Variants in LARP1 observed in about 807,000 individuals in gnomAD.
The protein encoded by LARP1 is la-related protein 1.
A neutral mutation model predicts 122.7 loss-of-function variants in LARP1; 36 were observed. That is an observed-to-expected ratio of 0.29 (90% CI 0.22 to 0.39). LARP1 has a LOEUF of 0.39. Ranked by LOEUF, LARP1 falls within the 10% of genes least tolerant of loss-of-function variation. The pLI is 1.00. For synonymous variants in LARP1, 539 were observed against 528.7 expected (o/e 1.02, Z -0.27); for missense variants, 1,040 against 1,403.6 (o/e 0.74, Z 4.14).
intron 1 of LARP1, among the ~76,000 whole-genome samples, chr5:154,758,981 C>T (rs1402061817): frequency 2.0e-5 from 3 of 152,100 alleles, no homozygotes; most frequent in African/African-American, 7.2e-5. Flanking sequence ...AAATTTTTGT[C>T]TTATCCTAGC....
At position 154,803,819 on chromosome 5, in the gene LARP1, T is replaced by C. The variant is rs1758538035; in HGVS notation, c.2439+74T>C. ...CATTCCAGTGCTTTGCTTCTCTCCC[T>C]TGCCTTGTCTGAGCTAAGGAAGTGC... On this transcript the variant is annotated intron_variant, in intron 13 of 18. Transcript: ENST00000518297. The surrounding 1 kb of genome is among the most constrained non-coding windows in gnomAD (Gnocchi z 4.4). 6 of 1,434,394 alleles carry C rather than the reference T, an allele frequency of 4.2e-6. No homozygotes were observed. The South Asian group carries it at 7.1e-5, about 17-fold the overall frequency. 88.9% of individuals were successfully genotyped at this position (1,434,394 alleles called of 1,614,324 possible).
rs1006784818 is a variant in LARP1, at chr5:154,814,363, T to A, written c.*267T>A. 7 of 260,500 alleles carry A rather than the reference T, an allele frequency of 2.7e-5. No individual in the cohort carries two copies. The highest frequency in any genetic ancestry group is 1.4e-4 in the South Asian group (2 of 14,320). 16.1% of individuals were successfully genotyped at this position (260,500 alleles called of 1,614,324 possible). On this transcript the variant is annotated 3_prime_UTR_variant, in exon 19 of 19. Transcript: ENST00000518297. ...GGGGGGAGGGAAAGGGGGGAGATTT[T>A]TATATATATATACATATATATATAT...
At chr5:154,738,117 G>T (rs1180327873) in intron 1 of LARP1, among the ~76,000 whole-genome samples, 2 of 152,150 alleles carry the variant, frequency 1.3e-5, no homozygotes, top group Non-Finnish European at 1.5e-5. Context: ...CGATCTGATG[G>T]ACACAGACAC....
At chr5:154,779,460 G>A in intron 1 of LARP1, among the ~76,000 whole-genome samples, 1 of 151,364 alleles carries the variant, frequency 6.6e-6, no homozygotes, top group South Asian at 2.1e-4. Flanking sequence ...TAAATTGTTG[G>A]TAGGGTGGCT....
Position 154,814,304 on chromosome 5 carries a change from T to TG in LARP1, c.*208_*209insG. ...CCTCTACATCCCCTTCCCCCTCCTC[T>TG]CTCCATGACTCTTGACATCCTAGCT... On this transcript the variant is annotated 3_prime_UTR_variant, in exon 19 of 19. Transcript: ENST00000518297. 1 of 488,650 alleles carries TG rather than the reference T, an allele frequency of 2.0e-6. No individual in the cohort carries two copies. The allele number at this position is 488,650 out of a possible 1,614,324, so 30.3% of individuals were successfully genotyped here.
At chr5:154,683,348 G>C (rs750743604) in intron 1 of LARP1, among the ~76,000 whole-genome samples, 1 of 152,250 alleles carries the variant, frequency 6.6e-6, no homozygotes, top group Non-Finnish European at 1.5e-5. Context: ...ACAGTGTTGT[G>C]TTTGTTTGTT....
chr5:154,725,933 C>G (rs1006486336), intron 1 of LARP1, among the ~76,000 whole-genome samples: 1 of 152,116 alleles, frequency 6.6e-6, no homozygotes, highest in Non-Finnish European at 1.5e-5. Context: ...CTCTGCCTCC[C>G]AGGTTCAAGT....
rs566611143 is a variant in LARP1 at position 154,692,136 on chromosome 5, C to T, written c.-180+9099C>T. 2.0e-5 allele frequency among the ~76,000 whole-genome samples: 3 copies of T among 152,320 alleles called. No homozygotes were observed. The East Asian group carries it at 5.8e-4, about 29-fold the overall frequency. Reference sequence around the variant, plus strand: ...GAAACCTTCGCTGGCTCCCTAGTGCCCTGGAATAACACTGAAACCCCTTAG... The same window carrying T: ...GAAACCTTCGCTGGCTCCCTAGTGCTCTGGAATAACACTGAAACCCCTTAG... On this transcript the variant is annotated intron_variant, in intron 1 of 18. Coordinates refer to the LARP1 transcript ENST00000687700.
rs747450234 is a variant in LARP1, at chr5:154,814,723, G to A, written c.*627G>A. On this transcript the variant is annotated 3_prime_UTR_variant, in exon 19 of 19. Coordinates refer to ENST00000518297, the MANE Select transcript of LARP1 (RefSeq NM_033551.3). Reference sequence around the variant, plus strand: ...ATCTAAAACTGGGGTTTGGGGGAAGGTTTCAGCCTCTCCCCACTCCCCTTG... The same window carrying A: ...ATCTAAAACTGGGGTTTGGGGGAAGATTTCAGCCTCTCCCCACTCCCCTTG... The A allele has an allele frequency of 6.6e-6, 1 of 152,388 alleles. No homozygotes were observed. The highest frequency in any genetic ancestry group is 1.5e-5 in the Non-Finnish European group (1 of 67,990). 9.4% of individuals were successfully genotyped at this position (152,388 alleles called of 1,614,324 possible).
chr5:154,718,193 AT>A (rs1321585396), intron 1 of LARP1, among the ~76,000 whole-genome samples: 1 of 152,074 alleles, frequency 6.6e-6, no homozygotes, highest in Non-Finnish European at 1.5e-5. Context: ...AGTTGCTGGG[AT>A]TATAGGCAGA....
At chr5:154,781,052 G>C (rs1373676388) in intron 1 of LARP1, among the ~76,000 whole-genome samples, 1 of 152,108 alleles carries the variant, frequency 6.6e-6, no homozygotes, top group African/African-American at 2.4e-5. Flanking sequence ...CTAGGTGACA[G>C]AGTGAGACTC....
intron 1 of LARP1, among the ~76,000 whole-genome samples, chr5:154,771,969 C>A (rs1380156632): frequency 1.3e-5 from 2 of 152,192 alleles, no homozygotes; most frequent in Non-Finnish European, 2.9e-5. Context: ...AAGGGGAAAT[C>A]TTCAGGTTGC....
chr5:154,788,320 T>C (rs879615409), intron 1 of LARP1, among the ~76,000 whole-genome samples: 1 of 152,184 alleles, frequency 6.6e-6, no homozygotes, highest in Admixed American at 6.5e-5. Context: ...GGGTGTGGGA[T>C]GCTGTTGGCT....
chr5:154,716,083 G>T (rs1582190375), intron 1 of LARP1, among the ~76,000 whole-genome samples: 1 of 152,002 alleles, frequency 6.6e-6, no homozygotes, highest in Admixed American at 6.6e-5. Flanking sequence ...TGCAGTTCTC[G>T]GTTGTGTTTT....
chr5:154,792,933 T>A, intron 4 of LARP1, 137 bp downstream of exon 4: 1 of 783,638 alleles, frequency 1.3e-6, no homozygotes, highest in Non-Finnish European at 2.0e-6. Context: ...TGTAGGCTGG[T>A]GAGATAGCAG....
At chr5:154,772,406 C>T (rs1755512046) in intron 1 of LARP1, among the ~76,000 whole-genome samples, 1 of 152,030 alleles carries the variant, frequency 6.6e-6, no homozygotes, top group Non-Finnish European at 1.5e-5. Flanking sequence ...TAAGAGTATA[C>T]ATATATATAC....
chr5:154,756,512 C>T (rs1753924879), intron 1 of LARP1: 25 of 985,832 alleles, frequency 2.5e-5, no homozygotes, highest in Non-Finnish European at 3.0e-5. Context: ...CGATCCCCAC[C>T]GCATGCTGGT....
At chr5:154,779,505 C>CT (rs11339301) in intron 1 of LARP1, among the ~76,000 whole-genome samples, 12,737 of 123,144 alleles carry the variant, frequency 0.1, 797 homozygotes, top group South Asian at 0.19. Context: ...TACATTCTCT[C>CT]TTTTTTTTTT....
At chr5:154,783,779 C>A (rs1756651224) in intron 1 of LARP1, among the ~76,000 whole-genome samples, 1 of 152,172 alleles carries the variant, frequency 6.6e-6, no homozygotes, top group Admixed American at 6.5e-5. Flanking sequence ...ATATTATTTA[C>A]ACGTGTAATT....
Sources: gnomAD v4.1 joint callset for allele counts (sites outside exome capture counted in the v4.1 genomes callset) on GRCh38, gnomAD v4.1.1 for gene constraint, Gnocchi (gnomAD v3.1) non-coding constraint, MANE v1.5 for transcripts, NCBI Gene and HGNC (gene_info 2026-07-23, HGNC 2026-07-21) for gene names.